COX7B2: variants seen among roughly 807,000 people sequenced by gnomAD.
COX7B2 encodes the protein cytochrome c oxidase subunit 7B2.
For synonymous variants in COX7B2, 37 were observed against 32.1 expected (o/e 1.15, Z -0.51); for missense variants, 109 against 95.9 (o/e 1.14, Z -0.57).
At position 46,871,832 on chromosome 4, in the gene COX7B2, C is replaced by A. The variant is rs115018528; in HGVS notation, c.-104-26818G>T. Among the ~76,000 whole-genome samples the A allele has an allele frequency of 4.5e-3, 690 of 151,976 alleles. 7 individuals carry two copies. Among genetic ancestry groups the A allele is most frequent in the African/African-American group, 0.016 (667 of 41,482 alleles). ...TATTAAAAAAAATACCAGATACTGG[C>A]AAAGTTGAGGAGAAAAGGGAACACT... On this transcript the variant is annotated intron_variant, in intron 1 of 2. Coordinates refer to ENST00000355591, the MANE Select transcript of COX7B2 (RefSeq NM_130902.3).
chr4:46,759,298 T>C (rs1226344231), intron 2 of COX7B2, among the ~76,000 whole-genome samples: 1 of 152,038 alleles, frequency 6.6e-6, no homozygotes, highest in Non-Finnish European at 1.5e-5. Context: ...AGAGATCAAC[T>C]ATGAGGAAAA....
intron 2 of COX7B2, among the ~76,000 whole-genome samples, chr4:46,803,390 A>C: frequency 6.6e-6 from 1 of 152,292 alleles, no homozygotes; most frequent in Non-Finnish European, 1.5e-5. Context: ...ATACTAAAAT[A>C]ATTATTTGTT....
Position 46,766,422 on chromosome 4 carries a change from G to A in COX7B2, c.-49-31181C>T, listed in dbSNP as rs116894008. On this transcript the variant is annotated intron_variant, in intron 2 of 2. Transcript: ENST00000355591. ...TCATCAAATGTCAGGGGAAGCAGCC[G>A]GGCATGGTGGCTCATGCCTGTAGTC... 7.4e-4 allele frequency among the ~76,000 whole-genome samples: 113 copies of A among 151,992 alleles called. 1 individual carries two copies. In the East Asian group the frequency reaches 0.017, roughly 23 times the overall value.
At chr4:46,899,758 A>G (rs1229795398) in intron 1 of COX7B2, among the ~76,000 whole-genome samples, 1 of 152,236 alleles carries the variant, frequency 6.6e-6, no homozygotes, top group East Asian at 1.9e-4. Context: ...TTATTTCTGC[A>G]ACAATTACAC....
Position 46,734,895 on chromosome 4 carries a change from A to C in COX7B2, c.*52T>G. 1 of 1,602,142 alleles carries C rather than the reference A, an allele frequency of 6.2e-7. No homozygotes were observed. The highest frequency in any genetic ancestry group is 8.5e-7 in the Non-Finnish European group (1 of 1,169,780). On this transcript the variant is annotated 3_prime_UTR_variant, in exon 3 of 3. Coordinates refer to ENST00000355591, the MANE Select transcript of COX7B2 (RefSeq NM_130902.3). ...TATTTTAATAAGCAGTAGAGTGCTTACATGACAAGTTGGTTTTTTAAACAA... is the reference window on the plus strand; with the variant it reads ...TATTTTAATAAGCAGTAGAGTGCTTCCATGACAAGTTGGTTTTTTAAACAA...
intron 2 of COX7B2, among the ~76,000 whole-genome samples, chr4:46,781,462 T>C (rs993579290): frequency 2.6e-5 from 4 of 152,196 alleles, no homozygotes; most frequent in African/African-American, 9.6e-5. Flanking sequence ...CTTCTCAAGA[T>C]TTGGTTTTCA....
intron 1 of COX7B2, among the ~76,000 whole-genome samples, chr4:46,869,386 AT>A (rs1334614975): frequency 2.7e-4 from 41 of 152,126 alleles, no homozygotes; most frequent in African/African-American, 8.9e-4. Context: ...GTTAGTATTG[AT>A]ATGTGTGGGT....
At chr4:46,851,435 A>C (rs1716678599) in intron 1 of COX7B2, among the ~76,000 whole-genome samples, 1 of 152,122 alleles carries the variant, frequency 6.6e-6, no homozygotes, top group Non-Finnish European at 1.5e-5. Context: ...TTAGACATAG[A>C]TAAAAGCTGC....
chr4:46,773,502 C>A (rs1716992435), intron 2 of COX7B2, among the ~76,000 whole-genome samples: 1 of 152,070 alleles, frequency 6.6e-6, no homozygotes, highest in African/African-American at 2.4e-5. Context: ...TTGTAAATTA[C>A]CCAGTCTCAG....
At chr4:46,854,746 T>G (rs1255192052) in intron 1 of COX7B2, among the ~76,000 whole-genome samples, 1 of 152,154 alleles carries the variant, frequency 6.6e-6, no homozygotes, top group East Asian at 1.9e-4. Flanking sequence ...TCCAATAAGA[T>G]GCAGTCATTA....
In COX7B2 at chr4:46,830,324, C is replaced by CAA. The variant is rs201868075; in HGVS notation, c.-50+14634_-50+14635dup. 4.9e-4 allele frequency among the ~76,000 whole-genome samples: 40 copies of CAA among 82,088 alleles called. 1 individual carries two copies. The highest frequency in any genetic ancestry group is 7.4e-4 in the Non-Finnish European group (30 of 40,752). 53.9% of individuals were successfully genotyped at this position (82,088 alleles called of 152,430 possible). On this transcript the variant is annotated intron_variant, in intron 2 of 2. Transcript: ENST00000355591. Reference sequence around the variant, plus strand: ...GGGCTACAGAGCAAGACTCTGTCTCCAAAAAAAAAAAAAAAAAAAGAAAAA... The same window carrying CAA: ...GGGCTACAGAGCAAGACTCTGTCTCCAAAAAAAAAAAAAAAAAAAAAGAAAAA...
chr4:46,766,859 T>C (rs1716573041), intron 2 of COX7B2, among the ~76,000 whole-genome samples: 1 of 151,932 alleles, frequency 6.6e-6, no homozygotes, highest in African/African-American at 2.4e-5. Context: ...CTGTAATAGA[T>C]ACACCAAACA....
At chr4:46,749,066 T>C (rs1715189228) in intron 2 of COX7B2, among the ~76,000 whole-genome samples, 1 of 152,118 alleles carries the variant, frequency 6.6e-6, no homozygotes, top group Non-Finnish European at 1.5e-5. Context: ...ACTCCCAAGT[T>C]TGATCCTTAT....
chr4:46,885,156 T>G lies in COX7B2; in HGVS notation c.-105+24004A>C, dbSNP rs757418207. 1.2e-4 allele frequency among the ~76,000 whole-genome samples: 18 copies of G among 152,244 alleles called. No homozygotes were observed. In the East Asian group the frequency reaches 3.5e-3, roughly 29 times the overall value. Reference sequence around the variant, plus strand: ...ATTATTATTACATCCAAGTCTTGTTTTGACTTGTGGCCGTTTCCCACTCCT... The same window carrying G: ...ATTATTATTACATCCAAGTCTTGTTGTGACTTGTGGCCGTTTCCCACTCCT... On this transcript the variant is annotated intron_variant, in intron 1 of 2. Coordinates refer to ENST00000355591, the MANE Select transcript of COX7B2 (RefSeq NM_130902.3).
intron 2 of COX7B2, among the ~76,000 whole-genome samples, chr4:46,780,072 T>TA (rs1717362032): frequency 6.6e-6 from 1 of 152,194 alleles, no homozygotes; most frequent in Non-Finnish European, 1.5e-5. Context: ...AAACATATAA[T>TA]AAAAATAAAG....
intron 2 of COX7B2, among the ~76,000 whole-genome samples, chr4:46,739,386 G>A (rs1259574688): frequency 6.6e-6 from 1 of 152,004 alleles, no homozygotes; most frequent in East Asian, 1.9e-4. Flanking sequence ...GGTTACCAGA[G>A]ATGGCTCTTT....
intron 2 of COX7B2, among the ~76,000 whole-genome samples, chr4:46,839,592 G>T (rs1318706781): frequency 6.6e-6 from 1 of 152,006 alleles, no homozygotes; most frequent in Admixed American, 6.6e-5. Context: ...CCACACGAGA[G>T]ATTCATTTCC....
intron 2 of COX7B2, among the ~76,000 whole-genome samples, chr4:46,791,305 A>G (rs6825474): frequency 0.35 from 52,497 of 151,524 alleles, 9,208 homozygotes; most frequent in South Asian, 0.48. Context: ...CACCGTGCCC[A>G]GCAACAGTAA....
chr4:46,895,478 G>T (rs1719703969), intron 1 of COX7B2, among the ~76,000 whole-genome samples: 1 of 151,960 alleles, frequency 6.6e-6, no homozygotes, highest in Non-Finnish European at 1.5e-5. Context: ...ACAGACACTG[G>T]GACCTACTTG....
Sources: gnomAD v4.1 joint callset for allele counts (sites outside exome capture counted in the v4.1 genomes callset) on GRCh38, gnomAD v4.1.1 for gene constraint, MANE v1.5 for transcripts, NCBI Gene and HGNC (gene_info 2026-07-23, HGNC 2026-07-21) for gene names.